The following PPFIBP1 variants were observed in gnomAD, a reference collection of about 807,000 sequenced individuals.
PPFIBP1 encodes PPFIB scaffold protein 1.
A neutral mutation model predicts 137.8 loss-of-function variants in PPFIBP1; 112 were observed. The ratio of observed to expected loss-of-function variants is 0.81; its 90% confidence interval spans 0.70 to 0.95. PPFIBP1 has a LOEUF of 0.95. Among genes scored for constraint, PPFIBP1 ranks in the 40% least tolerant of loss-of-function variants. The pLI is 0.00. For synonymous variants in PPFIBP1, 378 were observed against 417.3 expected, an observed-to-expected ratio of 0.91 and a Z score of 1.15; for missense variants, 1,083 against 1,196.6, an observed-to-expected ratio of 0.91 and a Z score of 1.40.
Position 27,695,220 on chromosome 12 carries a change from C to T in PPFIBP1, c.*2338C>T, listed in dbSNP as rs575216940. On this transcript the variant is annotated 3_prime_UTR_variant, in exon 30 of 30. Coordinates refer to ENST00000228425, the MANE Select transcript of PPFIBP1 (RefSeq NM_003622.4). ...CAAGCTCCGCCTCCTGGGTTCACGC[C>T]ATTCTCCCACCTCAGCTTCCCAAGC... The T allele has an allele frequency of 6.6e-6, 1 of 152,186 alleles. No homozygotes were observed. Among genetic ancestry groups the T allele is most frequent in the Admixed American group, 6.5e-5 (1 of 15,288 alleles). The allele number at this position is 152,186 out of a possible 1,614,324, so 9.4% of individuals were successfully genotyped here.
At chr12:27,582,779 A>G (rs2051274641) in intron 2 of PPFIBP1, among the ~76,000 whole-genome samples, 1 of 152,196 alleles carries the variant, frequency 6.6e-6, no homozygotes, top group African/African-American at 2.4e-5. Flanking sequence ...AAATTATAGC[A>G]GCTTTCCGAT....
chr12:27,631,988 T>G (rs1474238750), intron 2 of PPFIBP1, among the ~76,000 whole-genome samples: 8 of 152,182 alleles, frequency 5.3e-5, no homozygotes, highest in Non-Finnish European at 1.0e-4. Flanking sequence ...AATAAATTTT[T>G]TGGAATGACC....
intron 27 of PPFIBP1, among the ~76,000 whole-genome samples, chr12:27,689,761 G>T (rs189563032): frequency 1.3e-5 from 2 of 152,202 alleles, no homozygotes; most frequent in East Asian, 3.9e-4. Flanking sequence ...TGCGTGGGCC[G>T]GGTGTTGGCT....
intron 11 of PPFIBP1, among the ~76,000 whole-genome samples, chr12:27,661,668 C>T (rs2059561785): frequency 6.6e-6 from 1 of 152,162 alleles, no homozygotes; most frequent in Non-Finnish European, 1.5e-5. Flanking sequence ...TGAATAGAAC[C>T]AGGGGACATT....
intron 1 of PPFIBP1, among the ~76,000 whole-genome samples, chr12:27,545,829 C>G (rs1946184688): frequency 1.3e-5 from 2 of 152,202 alleles, no homozygotes; most frequent in Non-Finnish European, 2.9e-5. Context: ...CTGTTTAAAG[C>G]TTTCTCTTCT....
chr12:27,545,466 C>T (rs1946135788), intron 1 of PPFIBP1, among the ~76,000 whole-genome samples: 3 of 152,138 alleles, frequency 2.0e-5, no homozygotes, highest in Admixed American at 2.0e-4. Context: ...ACTTTGTCAC[C>T]AGCCCTTTGA....
intron 2 of PPFIBP1, among the ~76,000 whole-genome samples, chr12:27,627,958 C>A (rs554739766): frequency 6.6e-6 from 1 of 152,184 alleles, no homozygotes; most frequent in Admixed American, 6.5e-5. Context: ...GCAAACGGAG[C>A]TCATTTCTCT....
At chr12:27,665,449 T>C (rs184790748) in intron 12 of PPFIBP1, among the ~76,000 whole-genome samples, 27 of 152,202 alleles carry the variant, frequency 1.8e-4, no homozygotes, top group African/African-American at 6.0e-4. Flanking sequence ...TTGACTGATA[T>C]GGGGAAGCCT....
intron 1 of PPFIBP1, among the ~76,000 whole-genome samples, chr12:27,535,916 T>C (rs1042599453): frequency 1.3e-5 from 2 of 152,204 alleles, no homozygotes; most frequent in Non-Finnish European, 1.5e-5. Flanking sequence ...CAACTATGAG[T>C]TGCCTTATCT....
intron 29 of PPFIBP1, 44 bp from the exon 30 acceptor site, chr12:27,692,752 A>C (rs754035037): frequency 1.1e-5 from 18 of 1,613,862 alleles, no homozygotes; most frequent in Non-Finnish European, 1.4e-5. Flanking sequence ...TGTAGCTCTG[A>C]GCTCTTGGCT....
chr12:27,581,882 T>C (rs1271270689), intron 2 of PPFIBP1, among the ~76,000 whole-genome samples: 1 of 152,082 alleles, frequency 6.6e-6, no homozygotes, highest in East Asian at 1.9e-4. Context: ...TTTCTCCTTT[T>C]CCTACCAAAT....
At chr12:27,627,918 G>A (rs996394929) in intron 2 of PPFIBP1, among the ~76,000 whole-genome samples, 2 of 148,762 alleles carry the variant, frequency 1.3e-5, no homozygotes, top group Non-Finnish European at 3.0e-5. Context: ...TAAGCCATTG[G>A]AATAGGAAAC....
At chr12:27,685,774 C>A (rs576633136) in intron 24 of PPFIBP1, among the ~76,000 whole-genome samples, 8 of 152,184 alleles carry the variant, frequency 5.3e-5, no homozygotes, top group South Asian at 2.1e-4. Flanking sequence ...TGAATGTAAT[C>A]ATGATTATGT....
chr12:27,646,002 T>C (rs1593096087), intron 4 of PPFIBP1, 60 bp from the exon 5 acceptor site: 1 of 1,255,434 alleles, frequency 8.0e-7, no homozygotes, highest in East Asian at 2.4e-5. Flanking sequence ...GATTTTCATT[T>C]ATCTACGATA....
At chr12:27,683,440 G>A (rs1194553348) in intron 24 of PPFIBP1, among the ~76,000 whole-genome samples, 1 of 152,216 alleles carries the variant, frequency 6.6e-6, no homozygotes. Context: ...TATGTGCAAT[G>A]ACCATTTGGA....
At chr12:27,681,919 AT>A (rs768941759) in intron 22 of PPFIBP1, among the ~76,000 whole-genome samples, 1 of 152,124 alleles carries the variant, frequency 6.6e-6, no homozygotes, top group Admixed American at 6.6e-5. Flanking sequence ...GGGCATTTTA[AT>A]GAAAAAGAAT....
chr12:27,571,121 T>G (rs1454688457), intron 1 of PPFIBP1, among the ~76,000 whole-genome samples: 1 of 152,130 alleles, frequency 6.6e-6, no homozygotes, highest in Non-Finnish European at 1.5e-5. Flanking sequence ...GATCCTTTAG[T>G]ATATTATGAG....
chr12:27,527,484 C>T (rs1046667186), intron 1 of PPFIBP1, among the ~76,000 whole-genome samples: 3 of 152,074 alleles, frequency 2.0e-5, no homozygotes, highest in Non-Finnish European at 4.4e-5. Flanking sequence ...CTCAAGCAGT[C>T]GACCCACCTT....
At chr12:27,548,515 A>G (rs892690890) in intron 1 of PPFIBP1, 2 of 152,248 alleles carry the variant, frequency 1.3e-5, no homozygotes, top group African/African-American at 4.8e-5. Context: ...GTTGCACTGA[A>G]CAAATGTCTA....
Sources: gnomAD v4.1 joint callset for allele counts (sites outside exome capture counted in the v4.1 genomes callset) on GRCh38, gnomAD v4.1.1 for gene constraint, MANE v1.5 for transcripts, NCBI Gene and HGNC (gene_info 2026-07-23, HGNC 2026-07-21) for gene names.